NLRP9: variants seen among roughly 807,000 people sequenced by gnomAD.
NLRP9 encodes NLR family pyrin domain containing 9.
NLRP9 carries 88 observed loss-of-function variants against 83.1 expected under a neutral mutation model. The ratio of observed to expected loss-of-function variants is 1.06; its 90% confidence interval spans 0.89 to 1.26. NLRP9 has a LOEUF of 1.26. Ranked by LOEUF, NLRP9 falls within the 50% of genes most tolerant of loss-of-function variation. NLRP9 has a pLI of 0.00. For synonymous variants in NLRP9, 521 were observed against 447.6 expected, an observed-to-expected ratio of 1.16 and a Z score of -2.07; for missense variants, 1,308 against 1,179.3, an observed-to-expected ratio of 1.11 and a Z score of -1.60.
Position 55,732,855 on chromosome 19 carries a change from C to T in NLRP9, c.976G>A (p.Asp326Asn). Residue 326 changes from aspartate (D) to asparagine (N), a missense_variant, in exon 2 of 9, where the codon GAT becomes AAT. By Grantham distance (23) the Asp-to-Asn change is conservative (BLOSUM62 1). Coordinates refer to ENST00000332836, the MANE Select transcript of NLRP9 (RefSeq NM_176820.4). ...KALKVFNFVRDNGPLFILCHN... is the reference protein window; with the variant it reads ...KALKVFNFVRNNGPLFILCHN... ...CACAAGATAAACAGCGGCCCATTAT[C>T]TCTCACAAAATTGAAGACTTTCAGG... The T allele has an allele frequency of 6.2e-7, 1 of 1,614,142 alleles. No homozygotes were observed. The highest frequency in any genetic ancestry group is 8.5e-7 in the Non-Finnish European group (1 of 1,180,000).
rs1015297469 is a variant in NLRP9, at chr19:55,708,742, A to G, written c.*170T>C. On this transcript the variant is annotated 3_prime_UTR_variant, in exon 9 of 9. Coordinates refer to ENST00000332836, the MANE Select transcript of NLRP9 (RefSeq NM_176820.4). Reference sequence around the variant, plus strand: ...TAGGACCGAGGCAAAGACAATCAGCATGTACACTGAATCACACTCCATAAT... The same window carrying G: ...TAGGACCGAGGCAAAGACAATCAGCGTGTACACTGAATCACACTCCATAAT... 7 of 498,354 alleles carry G rather than the reference A, an allele frequency of 1.4e-5. No individual in the cohort carries two copies. Among genetic ancestry groups the G allele is most frequent in the African/African-American group, 1.2e-4 (6 of 50,648 alleles). 30.9% of individuals were successfully genotyped at this position (498,354 alleles called of 1,614,324 possible).
rs147046569 is a variant in NLRP9, at chr19:55,738,137, T to C, written c.238A>G (p.Asn80Asp). ...EVTLNLFLQINRKDLWTKAQE... is the reference protein window; with the variant it reads ...EVTLNLFLQIDRKDLWTKAQE... ...GCCTTTGTCCAGAGATCTTTCCTATTGATCTGTAGAAACAGGTTCAGTGTT... is the reference window on the plus strand; with the variant it reads ...GCCTTTGTCCAGAGATCTTTCCTATCGATCTGTAGAAACAGGTTCAGTGTT... Residue 80 changes from asparagine (N) to aspartate (D), a missense_variant, in exon 1 of 9, where the codon AAT becomes GAT. Transcript: ENST00000332836. The C allele has an allele frequency of 2.5e-6, 4 of 1,614,172 alleles. No individual in the cohort carries two copies. Among genetic ancestry groups the C allele is most frequent in the South Asian group, 1.1e-5 (1 of 91,086 alleles).
At chr19:55,722,976 A>T (rs1244217821) in intron 4 of NLRP9, among the ~76,000 whole-genome samples, 3 of 152,030 alleles carry the variant, frequency 2.0e-5, no homozygotes, top group African/African-American at 7.3e-5. Flanking sequence ...GAGGGGAACA[A>T]CACACACTGG....
intron 6 of NLRP9, among the ~76,000 whole-genome samples, chr19:55,713,201 G>A (rs1470892953): frequency 3.3e-5 from 5 of 150,754 alleles, no homozygotes; most frequent in African/African-American, 9.8e-5. Flanking sequence ...TTTTTGGTGA[G>A]CCCTCCCCTG....
Position 55,708,752 on chromosome 19 carries a change from A to C in NLRP9, c.*160T>G. The C allele has an allele frequency of 1.9e-6, 1 of 524,510 alleles. No homozygotes were observed. The highest frequency in any genetic ancestry group is 3.4e-6 in the Non-Finnish European group (1 of 296,672). 32.5% of individuals were successfully genotyped at this position (524,510 alleles called of 1,614,324 possible). On this transcript the variant is annotated 3_prime_UTR_variant, in exon 9 of 9. Coordinates refer to ENST00000332836, the MANE Select transcript of NLRP9 (RefSeq NM_176820.4). ...GCAAAGACAATCAGCATGTACACTGAATCACACTCCATAATCATATTGCTA... is the reference window on the plus strand; with the variant it reads ...GCAAAGACAATCAGCATGTACACTGCATCACACTCCATAATCATATTGCTA...
chr19:55,709,191 T>G, intron 8 of NLRP9, 147 bp from the exon 9 acceptor site: 1 of 545,310 alleles, frequency 1.8e-6, no homozygotes, highest in Non-Finnish European at 3.0e-6. Context: ...AAAACAAGCA[T>G]GAATCTTTCC....
chr19:55,715,640 T>C (rs1987980149), intron 5 of NLRP9, among the ~76,000 whole-genome samples: 1 of 152,112 alleles, frequency 6.6e-6, no homozygotes, highest in Non-Finnish European at 1.5e-5. Context: ...GCTGAGATCG[T>C]GCCACTGCAC....
chr19:55,716,856 G>A lies in NLRP9; in HGVS notation c.2202C>T (p.Ile734=), dbSNP rs113389747. The change falls in exon 5 of 9, where the codon ATC becomes ATT. Residue 734 remains isoleucine (I), a synonymous_variant. Coordinates refer to ENST00000332836, the MANE Select transcript of NLRP9 (RefSeq NM_176820.4). ...TGCTGTTGCAGGCCAGGACGGAGGCGATGTCTTCACAAACTTCACTGGAGA... is the reference window on the plus strand; with the variant it reads ...TGCTGTTGCAGGCCAGGACGGAGGCAATGTCTTCACAAACTTCACTGGAGA... ...CDISSEVCED[I]ASVLACNSKL... The A allele has an allele frequency of 5.1e-5, 82 of 1,613,748 alleles. No homozygotes were observed. The highest frequency in any genetic ancestry group is 1.3e-4 in the African/African-American group (10 of 74,990).
At position 55,716,739 on chromosome 19, in the gene NLRP9, C is replaced by G; in HGVS notation, c.2319G>C (p.Leu773=). The G allele has an allele frequency of 1.2e-6, 2 of 1,613,754 alleles. No homozygotes were observed. The highest frequency in any genetic ancestry group is 1.7e-6 in the Non-Finnish European group (2 of 1,179,810). ...GCAGACCAACTTACATCAGCCTCTC[C>G]AGGGCACAGTGTGAGTGCTTCAGGG... ...CEALKHSHCA[L]ERLMLMYCCL... The change falls in exon 5 of 9, where the codon CTG becomes CTC. Residue 773 remains leucine (L), a synonymous_variant. Transcript: ENST00000332836.
chr19:55,717,298 G>A (rs950194806), intron 4 of NLRP9, among the ~76,000 whole-genome samples: 6 of 152,116 alleles, frequency 3.9e-5, no homozygotes, highest in African/African-American at 1.4e-4. Flanking sequence ...CTCCCAAAGT[G>A]CTGGGATTAC....
chr19:55,725,280 TATA>T (rs1417290177), intron 3 of NLRP9, among the ~76,000 whole-genome samples: 1 of 152,124 alleles, frequency 6.6e-6, no homozygotes, highest in African/African-American at 2.4e-5. Context: ...ATAAACCATA[TATA>T]ATATGTATTT....
chr19:55,716,743 GCA>G lies in NLRP9; in HGVS notation c.2313_2314del (p.Ala772ProfsTer17). 2 of 1,613,674 alleles carry G rather than the reference GCA, an allele frequency of 1.2e-6. No homozygotes were observed. The highest frequency in any genetic ancestry group is 1.7e-6 in the Non-Finnish European group (2 of 1,179,770). On this transcript the variant is annotated frameshift_variant, in exon 5 of 9. Transcript: ENST00000332836. LOFTEE classifies it high-confidence loss of function. ...ACCAACTTACATCAGCCTCTCCAGG[GCA>G]CAGTGTGAGTGCTTCAGGGCTTCAC...
intron 2 of NLRP9, among the ~76,000 whole-genome samples, chr19:55,731,020 T>C (rs982023769): frequency 6.6e-6 from 1 of 152,198 alleles, no homozygotes; most frequent in Non-Finnish European, 1.5e-5. Context: ...CTGGACAAGC[T>C]ATTCAACCTT....
chr19:55,734,914 C>T (rs554671291), intron 1 of NLRP9, among the ~76,000 whole-genome samples: 2 of 152,006 alleles, frequency 1.3e-5, no homozygotes, highest in African/African-American at 2.4e-5. Flanking sequence ...GGATTACAGG[C>T]GTAAGCCACC....
intron 2 of NLRP9, among the ~76,000 whole-genome samples, chr19:55,731,775 C>G (rs1486344487): frequency 1.3e-5 from 2 of 151,936 alleles, no homozygotes; most frequent in African/African-American, 4.8e-5. Context: ...TCACACGAGC[C>G]CTATGAAGTA....
intron 8 of NLRP9, chr19:55,711,413 C>T (rs978562019): frequency 9.3e-6 from 12 of 1,292,798 alleles, no homozygotes; most frequent in Non-Finnish European, 1.2e-5. Context: ...GAATCAAGAC[C>T]TTAGCCCATT....
chr19:55,737,919 G>T (rs1483916116), intron 1 of NLRP9, among the ~76,000 whole-genome samples, 176 bp downstream of exon 1: 3 of 151,966 alleles, frequency 2.0e-5, no homozygotes, highest in Non-Finnish European at 4.4e-5. Flanking sequence ...TCTGTCCCCA[G>T]TTCATCGCTG....
rs1987548394 is a variant in NLRP9, at chr19:55,708,662, A to G, written c.*250T>C. ...AGAGCGTTTAGCACTTGTTTAACGTACTTGTGCTTCTAAATATCACAAGGC... is the reference window on the plus strand; with the variant it reads ...AGAGCGTTTAGCACTTGTTTAACGTGCTTGTGCTTCTAAATATCACAAGGC... On this transcript the variant is annotated 3_prime_UTR_variant, in exon 9 of 9. Coordinates refer to ENST00000332836, the MANE Select transcript of NLRP9 (RefSeq NM_176820.4). 1 of 334,342 alleles carries G rather than the reference A, an allele frequency of 3.0e-6. No individual in the cohort carries two copies. The highest frequency in any genetic ancestry group is 2.1e-5 in the African/African-American group (1 of 47,184). The allele number at this position is 334,342 out of a possible 1,614,324, so 20.7% of individuals were successfully genotyped here. A position where few individuals can be genotyped will look rare whatever the true frequency, so the allele number is the denominator to read the frequency against.
chr19:55,727,503 G>C (rs1463913165), intron 3 of NLRP9, among the ~76,000 whole-genome samples: 1 of 152,136 alleles, frequency 6.6e-6, no homozygotes, highest in Non-Finnish European at 1.5e-5. Flanking sequence ...TTCATTGCAA[G>C]ACCACTAACC....
Sources: gnomAD v4.1 joint callset for allele counts (sites outside exome capture counted in the v4.1 genomes callset) on GRCh38, gnomAD v4.1.1 for gene constraint, MANE v1.5 for transcripts, NCBI Gene and HGNC (gene_info 2026-07-23, HGNC 2026-07-21) for gene names.